Variants in IRS1 observed in about 807,000 individuals in gnomAD.
IRS1 encodes the protein insulin receptor substrate 1.
A neutral mutation model predicts 65.6 loss-of-function variants in IRS1; 34 were observed. The ratio of observed to expected loss-of-function variants is 0.52; its 90% CI spans 0.39 to 0.69. IRS1 has a LOEUF of 0.69. IRS1 is among the 30% of genes least tolerant of loss of function. The pLI, the probability that IRS1 is intolerant of heterozygous loss-of-function variation, is 0.00. For synonymous variants in IRS1, 699 were observed against 683.5 expected, an observed-to-expected ratio of 1.02 and a Z score of -0.35; for missense variants, 1,641 against 1,720.2, an observed-to-expected ratio of 0.95 and a Z score of 0.81.
At chr2:226,771,878 G>A (rs948021784) in intron 1 of IRS1, among the ~76,000 whole-genome samples, 1 of 152,040 alleles carries the variant, frequency 6.6e-6, no homozygotes, top group Non-Finnish European at 1.5e-5. Context: ...TCCTTTTAAA[G>A]TTTAATAAAT....
At position 226,735,648 on chromosome 2, in the gene IRS1, A is replaced by C. The variant is rs760611394; in HGVS notation, c.*624T>G. On this transcript the variant is annotated 3_prime_UTR_variant, in exon 2 of 2. Transcript: ENST00000305123. ...TCTGAATTACAATCTTAAAACAAGGATCATACCCTATTCTACTCTTTTAAG... is the reference window on the plus strand; with the variant it reads ...TCTGAATTACAATCTTAAAACAAGGCTCATACCCTATTCTACTCTTTTAAG... The C allele has an allele frequency of 1.3e-5, 2 of 152,614 alleles. No homozygotes were observed. Among genetic ancestry groups the C allele is most frequent in the African/African-American group, 2.4e-5 (1 of 41,436 alleles). 9.5% of individuals were successfully genotyped at this position (152,614 alleles called of 1,614,324 possible).
At chr2:226,745,986 C>T (rs1938533931) in intron 1 of IRS1, among the ~76,000 whole-genome samples, 1 of 152,052 alleles carries the variant, frequency 6.6e-6, no homozygotes, top group South Asian at 2.1e-4. Flanking sequence ...ATATGTAATA[C>T]AACGTTATAC....
intron 1 of IRS1, among the ~76,000 whole-genome samples, chr2:226,747,938 C>T (rs1434844793): frequency 6.6e-6 from 1 of 151,954 alleles, no homozygotes; most frequent in East Asian, 1.9e-4. Context: ...CTACTAGACA[C>T]CTTACAACAC....
chr2:226,755,637 A>G (rs1422227428), intron 1 of IRS1, among the ~76,000 whole-genome samples: 1 of 152,252 alleles, frequency 6.6e-6, no homozygotes, highest in Non-Finnish European at 1.5e-5. Flanking sequence ...GGATGAAACT[A>G]GGTTCAATTA....
At chr2:226,746,002 C>A (rs1332339060) in intron 1 of IRS1, among the ~76,000 whole-genome samples, 2 of 152,084 alleles carry the variant, frequency 1.3e-5, no homozygotes, top group Non-Finnish European at 2.9e-5. Context: ...TATACAAGGA[C>A]CTGTCTACCT....
At position 226,796,325 on chromosome 2, in the gene IRS1, T is replaced by C; in HGVS notation, c.2414A>G (p.Asp805Gly). The C allele has an allele frequency of 6.2e-7, 1 of 1,613,432 alleles. No homozygotes were observed. The highest frequency in any genetic ancestry group is 8.5e-7 in the Non-Finnish European group (1 of 1,180,032). The change falls in exon 1 of 2, where the codon GAT becomes GGT. Residue 805 changes from aspartate to glycine, a missense_variant. Physicochemically the swap from Asp to Gly is moderately conservative, Grantham distance 94. Transcript: ENST00000305123. ...SGRLLYAATA[D>G]DSSSSTSSDS... is the part of the protein sequence containing the mutation. ...GCTGCTGGTGGAAGAGGAAGAATCA[T>C]CTGCTGTTGCAGCATAGAGAAGGCG...
At chr2:226,765,433 C>G (rs981306910) in intron 1 of IRS1, among the ~76,000 whole-genome samples, 2 of 152,214 alleles carry the variant, frequency 1.3e-5, no homozygotes, top group Admixed American at 1.3e-4. Flanking sequence ...GTGCATCCTA[C>G]TCCTGGACTG....
At chr2:226,781,984 A>G (rs1939392153) in intron 1 of IRS1, among the ~76,000 whole-genome samples, 1 of 152,264 alleles carries the variant, frequency 6.6e-6, no homozygotes, top group African/African-American at 2.4e-5. Context: ...AAATATTTTT[A>G]GAAATTAATT....
rs1939737579 is a variant in IRS1, at chr2:226,796,761, T to C, written c.1978A>G (p.Asn660Asp). The C allele has an allele frequency of 6.2e-7, 1 of 1,602,322 alleles. No individual in the cohort carries two copies. The highest frequency in any genetic ancestry group is 8.5e-7 in the Non-Finnish European group (1 of 1,173,250). The change falls in exon 1 of 2, where the codon AAT becomes GAT. Residue 660 changes from asparagine to aspartate, a missense_variant. Asn to Asp is a conservative substitution (Grantham distance 23). Transcript: ENST00000305123. Reference sequence around the variant, plus strand: ...CTGGGGGACATCATCATGTAGCCATTGGGGTCCACTCTCTGGGGATGGCGT... The same window carrying C: ...CTGGGGGACATCATCATGTAGCCATCGGGGTCCACTCTCTGGGGATGGCGT... ...IRRHPQRVDPNGYMMMSPSGG... is the reference protein window; with the variant it reads ...IRRHPQRVDPDGYMMMSPSGG...
At position 226,796,186 on chromosome 2, in the gene IRS1, G is replaced by A. The variant is rs1446233942; in HGVS notation, c.2553C>T (p.Thr851=). The A allele has an allele frequency of 6.2e-7, 1 of 1,613,698 alleles. No individual in the cohort carries two copies. The highest frequency in any genetic ancestry group is 8.5e-7 in the Non-Finnish European group (1 of 1,179,992). ...LPRKVDTAAQ[T]NSRLARPTRL... ...TCGTGGGCCGGGCCAGGCGGCTATT[G>A]GTCTGAGCAGCTGTGTCCACCTTTC... The change falls in exon 1 of 2, where the codon ACC becomes ACT. Residue 851 remains threonine (T), a synonymous_variant. Coordinates refer to ENST00000305123, the MANE Select transcript of IRS1 (RefSeq NM_005544.3).
In IRS1 at chr2:226,796,169, C is replaced by T. The variant is rs752941663; in HGVS notation, c.2570G>A (p.Arg857Gln). The change falls in exon 1 of 2, where the codon CGG (arginine) becomes CAG (glutamine). Residue 857 changes from arginine (R) to glutamine (Q), a missense_variant. Physicochemically the swap from Arg to Gln is conservative, Grantham distance 43. Transcript: ENST00000305123. ...ATCCCCCAGGGACAGCCTCGTGGGCCGGGCCAGGCGGCTATTGGTCTGAGC... is the reference window on the plus strand; with the variant it reads ...ATCCCCCAGGGACAGCCTCGTGGGCTGGGCCAGGCGGCTATTGGTCTGAGC... ...TAAQTNSRLA[R>Q]PTRLSLGDPK... 1.1e-5 allele frequency: 18 copies of T among 1,613,566 alleles called. No homozygotes were observed. The highest frequency in any genetic ancestry group is 2.2e-5 in the South Asian group (2 of 91,072).
chr2:226,765,776 A>C (rs1167367453), intron 1 of IRS1, among the ~76,000 whole-genome samples: 1 of 152,190 alleles, frequency 6.6e-6, no homozygotes, highest in Non-Finnish European at 1.5e-5. Flanking sequence ...TCAGCTGAAC[A>C]TAACAGGAAC....
intron 1 of IRS1, among the ~76,000 whole-genome samples, chr2:226,781,215 T>C (rs1939375135): frequency 6.6e-6 from 1 of 152,320 alleles, no homozygotes; most frequent in East Asian, 1.9e-4. Context: ...AAGGCATTGA[T>C]TTTACATTGC....
At chr2:226,737,720 C>G (rs1281927450) in intron 1 of IRS1, among the ~76,000 whole-genome samples, 1 of 152,050 alleles carries the variant, frequency 6.6e-6, no homozygotes, top group African/African-American at 2.4e-5. Context: ...AAGAATCCTC[C>G]CAGCTAGGGG....
At chr2:226,757,274 C>T (rs1559150011) in intron 1 of IRS1, among the ~76,000 whole-genome samples, 1 of 152,096 alleles carries the variant, frequency 6.6e-6, no homozygotes, top group Non-Finnish European at 1.5e-5. Context: ...ATTCAGTAGG[C>T]CAGCAGTTCC....
At chr2:226,783,032 C>A (rs1217924929) in intron 1 of IRS1, among the ~76,000 whole-genome samples, 1 of 152,170 alleles carries the variant, frequency 6.6e-6, no homozygotes, top group Non-Finnish European at 1.5e-5. Context: ...AATCCTCTAA[C>A]CTAGTTCATA....
At chr2:226,766,130 TATATATATATATA>T (rs1939028361) in intron 1 of IRS1, among the ~76,000 whole-genome samples, 1 of 3,476 alleles carries the variant, frequency 2.9e-4, no homozygotes, top group Non-Finnish European at 7.0e-4. Context: ...CTTATATATA[TATATATATATATA>T]TATATATATA....
At chr2:226,755,609 C>T (rs929705521) in intron 1 of IRS1, among the ~76,000 whole-genome samples, 2 of 152,188 alleles carry the variant, frequency 1.3e-5, no homozygotes, top group Non-Finnish European at 2.9e-5. Flanking sequence ...TCAAGTTAAA[C>T]TTGGGTGCTC....
At chr2:226,749,710 A>G (rs1328820294) in intron 1 of IRS1, among the ~76,000 whole-genome samples, 1 of 152,042 alleles carries the variant, frequency 6.6e-6, no homozygotes, top group African/African-American at 2.4e-5. Context: ...AACTTAGTCC[A>G]TTTTTCCCAC....
Sources: gnomAD v4.1 joint callset for allele counts (sites outside exome capture counted in the v4.1 genomes callset) on GRCh38, gnomAD v4.1.1 for gene constraint, MANE v1.5 for transcripts, NCBI Gene and HGNC (gene_info 2026-07-23, HGNC 2026-07-21) for gene names.